KCNS3: variants seen among roughly 807,000 people sequenced by gnomAD.
The protein encoded by KCNS3 is potassium voltage-gated channel modifier subfamily S member 3, also known as delayed-rectifier potassium channel regulatory subunit KCNS3.
In KCNS3, 13 loss-of-function variants were observed where a neutral mutation model predicts 31.0. That is an observed-to-expected ratio of 0.42 (90% CI 0.27 to 0.67). The LOEUF (loss-of-function observed/expected upper bound fraction) is 0.67. Among genes scored for constraint, KCNS3 ranks in the 30% least tolerant of loss-of-function variants. The pLI, the probability that KCNS3 is intolerant of heterozygous loss-of-function variation, is 0.25. For missense variants in KCNS3, 545 were observed against 622.4 expected (o/e 0.88, Z 1.32); for synonymous variants, 238 against 241.5 (o/e 0.99, Z 0.13).
rs371961825 is a variant in KCNS3, at chr2:17,931,739, C to T, written c.731C>T (p.Ala244Val). 3.7e-6 allele frequency: 6 copies of T among 1,613,950 alleles called. No homozygotes were observed. The highest frequency in any genetic ancestry group is 1.7e-6 in the Non-Finnish European group (2 of 1,179,858). Residue 244 changes from alanine (A) to valine (V), a missense_variant, in exon 3 of 3, where the codon GCT becomes GTT. Coordinates refer to ENST00000304101, the MANE Select transcript of KCNS3 (RefSeq NM_002252.5). This position sits in a 1 kb window ranked among gnomAD's most constrained non-coding sequence, Gnocchi z 5.4. ...GAGCTTGCCGTCCGGCTGGCTGCCGCTCCTTGTCAAAAGAAATTCTGGAAA... is the reference window on the plus strand; with the variant it reads ...GAGCTTGCCGTCCGGCTGGCTGCCGTTCCTTGTCAAAAGAAATTCTGGAAA... ...TGELAVRLAA[A>V]PCQKKFWKNP...
At chr2:17,892,476 C>T (rs1252100626) in intron 1 of KCNS3, among the ~76,000 whole-genome samples, 2 of 151,972 alleles carry the variant, frequency 1.3e-5, no homozygotes, top group African/African-American at 4.8e-5. Flanking sequence ...TGCTGGTGAA[C>T]TAGTGTGATT....
rs532589762 is a variant in KCNS3 at position 17,896,974 on chromosome 2, T to A, written c.-252+18168T>A. On this transcript the variant is annotated intron_variant, in intron 1 of 2. Coordinates refer to ENST00000304101, the MANE Select transcript of KCNS3 (RefSeq NM_002252.5). ...TTGCTTGATGCTGAGGTTTGGGGTA[T>A]GATGGGACCAGTTACCCAGGTAGTG... 2.6e-5 allele frequency among the ~76,000 whole-genome samples: 4 copies of A among 152,304 alleles called. No homozygotes were observed. The South Asian group carries it at 8.3e-4, about 32-fold the overall frequency.
intron 1 of KCNS3, among the ~76,000 whole-genome samples, chr2:17,893,593 G>A (rs1661911229): frequency 6.6e-6 from 1 of 152,194 alleles, no homozygotes; most frequent in Non-Finnish European, 1.5e-5. Flanking sequence ...AGCTCCCAGG[G>A]CTTTTCTGCT....
At chr2:17,880,548 T>A (rs1207585454) in intron 1 of KCNS3, among the ~76,000 whole-genome samples, 1 of 152,240 alleles carries the variant, frequency 6.6e-6, no homozygotes, top group African/African-American at 2.4e-5. Context: ...AAGCATGTTG[T>A]GAATATACTA....
intron 1 of KCNS3, among the ~76,000 whole-genome samples, chr2:17,902,475 G>A (rs1662201997): frequency 6.6e-6 from 1 of 152,010 alleles, no homozygotes; most frequent in South Asian, 2.1e-4. Context: ...ATTACAAAAG[G>A]TCTAGTCTTA....
chr2:17,921,929 A>G (rs1002874209), intron 2 of KCNS3, among the ~76,000 whole-genome samples: 6 of 73,480 alleles, frequency 8.2e-5, no homozygotes, highest in African/African-American at 1.7e-4. Flanking sequence ...ATATATATAT[A>G]TATATATATA....
chr2:17,918,369 A>G (rs146921613), intron 2 of KCNS3, among the ~76,000 whole-genome samples: 101 of 152,316 alleles, frequency 6.6e-4, no homozygotes, highest in Non-Finnish European at 9.8e-4. Flanking sequence ...GATATTCCAC[A>G]TAAGGATCAG....
intron 1 of KCNS3, among the ~76,000 whole-genome samples, chr2:17,896,071 G>T (rs1404221686): frequency 6.6e-6 from 1 of 151,826 alleles, no homozygotes; most frequent in East Asian, 1.9e-4. Flanking sequence ...TTTAGAGATG[G>T]GCTCACTCTG....
upstream of KCNS3, chr2:17,878,524 C>G (rs967913646): frequency 9.9e-5 from 15 of 151,226 alleles, no homozygotes; most frequent in African/African-American, 3.4e-4. Context: ...CCGGGGCGCC[C>G]GGCTGCGGGC....
chr2:17,921,752 A>G (rs1435546007), intron 2 of KCNS3, among the ~76,000 whole-genome samples: 1 of 151,554 alleles, frequency 6.6e-6, no homozygotes, highest in Admixed American at 6.6e-5. Context: ...CAATCATGAA[A>G]AAAGCAAGGG....
chr2:17,911,647 TA>T (rs1558455425), intron 1 of KCNS3, among the ~76,000 whole-genome samples: 1 of 152,198 alleles, frequency 6.6e-6, no homozygotes, highest in Non-Finnish European at 1.5e-5. Flanking sequence ...TCATTTACTC[TA>T]AAAAGACATA....
In KCNS3 at chr2:17,931,486, GAC is replaced by G. The variant is rs1261168231; in HGVS notation, c.483_484del (p.Leu162AlafsTer12). ...SLFEKELEKFDTLRFGQLRKK... is the reference protein window; with the variant it reads ...SLFEKELEKFXTLRFGQLRKK... The stretch of plus-strand genomic sequence containing the variant: ...GTTTGAGAAAGAGCTGGAGAAGTTT[GAC>G]ACACTGCGATTTGGTCAGCTCCGGA... On this transcript the variant is annotated frameshift_variant, in exon 3 of 3. Coordinates refer to ENST00000304101, the MANE Select transcript of KCNS3 (RefSeq NM_002252.5). LOFTEE classifies it high-confidence loss of function. This position sits in a 1 kb window ranked among gnomAD's most constrained non-coding sequence, Gnocchi z 5.4. The G allele has an allele frequency of 6.2e-7, 1 of 1,614,180 alleles. No homozygotes were observed. The highest frequency in any genetic ancestry group is 1.1e-5 in the South Asian group (1 of 91,074).
intron 1 of KCNS3, among the ~76,000 whole-genome samples, chr2:17,892,935 A>C (rs570307589): frequency 6.6e-6 from 1 of 152,262 alleles, no homozygotes; most frequent in African/African-American, 2.4e-5. Context: ...CGGCACTTTC[A>C]GCTGTGCTAG....
At chr2:17,925,546 G>A (rs568039551) in intron 2 of KCNS3, among the ~76,000 whole-genome samples, 8 of 152,286 alleles carry the variant, frequency 5.3e-5, no homozygotes, top group African/African-American at 1.7e-4. Context: ...GGGGTCTCAG[G>A]AAACTTACAA....
At chr2:17,905,616 T>C (rs988909577) in intron 1 of KCNS3, among the ~76,000 whole-genome samples, 2 of 152,358 alleles carry the variant, frequency 1.3e-5, no homozygotes, top group African/African-American at 4.8e-5. Context: ...ATAGCTCTTA[T>C]TATTTTGAGA....
chr2:17,921,901 ATGTGTG>A (rs370610132), intron 2 of KCNS3, among the ~76,000 whole-genome samples: 2 of 74,130 alleles, frequency 2.7e-5, no homozygotes, highest in Non-Finnish European at 4.8e-5. Flanking sequence ...TTTCATATAT[ATGTGTG>A]TGTGTGTGTA....
Position 17,931,088 on chromosome 2 carries a change from C to A in KCNS3, c.80C>A (p.Ser27Tyr), listed in dbSNP as rs17851366. The part of the protein sequence containing the change: ...VNLNVGGFKQ[S>Y]VDQSTLLRFP... ...CTGAATGTGGGGGGCTTTAAGCAGTCTGTTGACCAAAGCACCCTCCTGCGG... is the reference window on the plus strand; with the variant it reads ...CTGAATGTGGGGGGCTTTAAGCAGTATGTTGACCAAAGCACCCTCCTGCGG... The change falls in exon 3 of 3, where the codon TCT becomes TAT. Residue 27 changes from serine to tyrosine, a missense_variant. Physicochemically the swap from Ser to Tyr is moderately radical, Grantham distance 144 (BLOSUM62 -2). Coordinates refer to ENST00000304101, the MANE Select transcript of KCNS3 (RefSeq NM_002252.5). This position sits in a 1 kb window ranked among gnomAD's most constrained non-coding sequence, Gnocchi z 5.4. 276 of 1,614,048 alleles carry A rather than the reference C, an allele frequency of 1.7e-4. No homozygotes were observed. Among genetic ancestry groups the A allele is most frequent in the Admixed American group, 3.3e-4 (20 of 60,000 alleles).
At position 17,932,447 on chromosome 2, in the gene KCNS3, G is replaced by A; in HGVS notation, c.1439G>A (p.Cys480Tyr). The A allele has an allele frequency of 3.1e-6, 5 of 1,613,622 alleles. No individual in the cohort carries two copies. Among genetic ancestry groups the A allele is most frequent in the Non-Finnish European group, 3.4e-6 (4 of 1,179,798 alleles). The change falls in exon 3 of 3, where the codon TGT (cysteine) becomes TAT (tyrosine). Residue 480 changes from cysteine to tyrosine, a missense_variant. Cys to Tyr is a radical substitution (Grantham distance 194). Coordinates refer to ENST00000304101, the MANE Select transcript of KCNS3 (RefSeq NM_002252.5). Reference sequence around the variant, plus strand: ...AGCATTGAAGACAATGAGGACATTTGTAACACCACCTCCTTGGAGAATTGC... The same window carrying A: ...AGCATTGAAGACAATGAGGACATTTATAACACCACCTCCTTGGAGAATTGC... ...ASSIEDNEDICNTTSLENCTA... is the reference protein window; with the variant it reads ...ASSIEDNEDIYNTTSLENCTA...
chr2:17,892,013 A>C (rs1318992254), intron 1 of KCNS3, among the ~76,000 whole-genome samples: 3 of 152,150 alleles, frequency 2.0e-5, no homozygotes, highest in Non-Finnish European at 4.4e-5. Context: ...TGTTCCCCCA[A>C]ATATGTTTTC....
Sources: allele counts gnomAD v4.1 joint callset (sites outside exome capture counted in the v4.1 genomes callset), GRCh38; gene constraint gnomAD v4.1.1; non-coding constraint Gnocchi (gnomAD v3.1); transcripts MANE v1.5; gene names NCBI Gene and HGNC (gene_info 2026-07-23, HGNC 2026-07-21).